XPOT: variants seen among roughly 807,000 people sequenced by gnomAD.
The protein encoded by XPOT is exportin for tRNA, also known as exportin-T.
A neutral mutation model predicts 128.2 loss-of-function variants in XPOT; 34 were observed. That is an observed-to-expected ratio of 0.27 (90% CI 0.20 to 0.35). The LOEUF is 0.35. XPOT is among the 10% of genes least tolerant of loss of function. The pLI is 1.00. For missense variants in XPOT, 838 were observed against 1,125.3 expected (o/e 0.74, Z 3.65); for synonymous variants, 348 against 394.3 (o/e 0.88, Z 1.39).
intron 4 of XPOT, 131 bp downstream of exon 4, chr12:64,416,885 T>C (rs2040092342): frequency 1.2e-6 from 1 of 842,320 alleles, no homozygotes; most frequent in African/African-American, 1.7e-5. Context: ...ATCCAGGTTA[T>C]AGATACGTTT....
At position 64,425,568 on chromosome 12, in the gene XPOT, G is replaced by A. The variant is rs78353662; in HGVS notation, c.1572+111G>A. ...TTCTCAGAATCAAAACCTCTCAGAA[G>A]TGCTTGGCACACACTGAAAGTAACC... is the stretch of plus-strand genomic sequence containing the variant. On this transcript the variant is annotated intron_variant, in intron 14 of 24. Coordinates refer to ENST00000332707, the MANE Select transcript of XPOT (RefSeq NM_007235.6). 2.9e-3 allele frequency: 3,975 copies of A among 1,387,122 alleles called. 96 individuals are homozygous for A. In the African/African-American group the frequency reaches 0.051, roughly 18 times the overall value. 85.9% of individuals were successfully genotyped at this position (1,387,122 alleles called of 1,614,324 possible).
chr12:64,447,013 C>T (rs1240526102), intron 24 of XPOT, among the ~76,000 whole-genome samples: 2 of 152,086 alleles, frequency 1.3e-5, no homozygotes, highest in African/African-American at 2.4e-5. Flanking sequence ...ACAATCATGT[C>T]GGAAGGCAAG....
chr12:64,445,444 G>T (rs1250077453), intron 24 of XPOT, among the ~76,000 whole-genome samples: 2 of 152,186 alleles, frequency 1.3e-5, no homozygotes, highest in African/African-American at 4.8e-5. Context: ...AAAACAGAAG[G>T]ATGAGATATT....
Position 64,434,383 on chromosome 12 carries a change from C to A in XPOT, c.2453-124C>A, listed in dbSNP as rs947073972. 3.4e-5 allele frequency: 22 copies of A among 642,746 alleles called. No homozygotes were observed. The Admixed American group carries it at 5.6e-4, about 16-fold the overall frequency. The allele number at this position is 642,746 out of a possible 1,614,324, so 39.8% of individuals were successfully genotyped here. ...GCAATTCTGTAAATGCTTTTTTCCC[C>A]CTTCATTTTTCCCATTCCACCTGTA... On this transcript the variant is annotated intron_variant, in intron 19 of 24. Coordinates refer to ENST00000332707, the MANE Select transcript of XPOT (RefSeq NM_007235.6).
chr12:64,423,269 G>A (rs762613665), intron 11 of XPOT, 25 bp downstream of exon 11: 25 of 1,443,086 alleles, frequency 1.7e-5, no homozygotes, highest in Middle Eastern at 2.4e-4. Flanking sequence ...TTGTTGAGGA[G>A]AAAGGAGTTT....
At chr12:64,425,277 AC>A in intron 13 of XPOT, 60 bp from the exon 14 acceptor site, 2 of 1,610,038 alleles carry the variant, frequency 1.2e-6, no homozygotes, top group Non-Finnish European at 1.7e-6. Context: ...ATATGTTAAT[AC>A]CGGGGCATTT....
At chr12:64,418,698 A>AGTATT (rs1431003966) in intron 5 of XPOT, among the ~76,000 whole-genome samples, 178 bp from the exon 6 acceptor site, 1 of 152,202 alleles carries the variant, frequency 6.6e-6, no homozygotes, top group East Asian at 1.9e-4. Flanking sequence ...AATCACTTAA[A>AGTATT]TACTTTTGAT....
chr12:64,409,652 G>C (rs140361787), intron 1 of XPOT: 2 of 166,828 alleles, frequency 1.2e-5, no homozygotes, highest in Non-Finnish European at 1.3e-5. Flanking sequence ...GGAGAATGGC[G>C]TGAACCTGGG....
chr12:64,417,284 C>G (rs959268958), intron 4 of XPOT, among the ~76,000 whole-genome samples: 6 of 152,182 alleles, frequency 3.9e-5, no homozygotes, highest in Non-Finnish European at 8.8e-5. Flanking sequence ...TGGCTCATGC[C>G]TATGATCTCA....
At chr12:64,413,727 TA>T (rs1565794917) in intron 2 of XPOT, among the ~76,000 whole-genome samples, 1 of 152,108 alleles carries the variant, frequency 6.6e-6, no homozygotes, top group African/African-American at 2.4e-5. Flanking sequence ...AAGAAAAAAA[TA>T]ACTTTACATC....
At chr12:64,414,425 T>C (rs1406446116) in intron 2 of XPOT, among the ~76,000 whole-genome samples, 1 of 152,224 alleles carries the variant, frequency 6.6e-6, no homozygotes, top group Non-Finnish European at 1.5e-5. Flanking sequence ...TACTCTCCTG[T>C]GTAACAGTAG....
intron 3 of XPOT, among the ~76,000 whole-genome samples, chr12:64,416,316 ACT>A (rs1466714037): frequency 6.6e-6 from 1 of 151,968 alleles, no homozygotes; most frequent in African/African-American, 2.4e-5. Flanking sequence ...TTTCACTCAG[ACT>A]CTGTCTGTTC....
intron 2 of XPOT, among the ~76,000 whole-genome samples, chr12:64,411,223 T>C (rs964062785): frequency 6.6e-6 from 1 of 152,234 alleles, no homozygotes; most frequent in Non-Finnish European, 1.5e-5. Flanking sequence ...AAATCTTTCT[T>C]GTCATAGGGT....
intron 9 of XPOT, 139 bp from the exon 10 acceptor site, chr12:64,422,861 CCACTG>C (rs147352180): frequency 0.5 from 353,364 of 710,112 alleles, 94,379 homozygotes; most frequent in Non-Finnish European, 0.56. Flanking sequence ...CATGACTGCG[CCACTG>C]CACTCCAGCC....
At position 64,431,713 on chromosome 12, in the gene XPOT, G is replaced by A; in HGVS notation, c.2152G>A (p.Glu718Lys). The change falls in exon 18 of 25, where the codon GAA becomes AAA. Residue 718 changes from glutamate to lysine, a missense_variant. Around this residue, in one of 3 missense-constraint regions of XPOT, gnomAD observed 761 missense variants for 988.3 expected, o/e 0.77. Transcript: ENST00000332707. Reference protein sequence around the residue: ...LHRMIICLEEEVLPFIPSASE... With the variant: ...LHRMIICLEEKVLPFIPSASE... ...TCGAATGATTATTTGCCTGGAGGAAGAAGTTCTTCCGTTCATTCCATCTGC... is the reference window on the plus strand; with the variant it reads ...TCGAATGATTATTTGCCTGGAGGAAAAAGTTCTTCCGTTCATTCCATCTGC... 1 of 1,614,062 alleles carries A rather than the reference G, an allele frequency of 6.2e-7. No homozygotes were observed.
chr12:64,428,070 A>G lies in XPOT; in HGVS notation c.1687A>G (p.Ile563Val), dbSNP rs745776409. The G allele has an allele frequency of 9.5e-6, 15 of 1,571,844 alleles. No homozygotes were observed. Among genetic ancestry groups the G allele is most frequent in the Non-Finnish European group, 1.1e-5 (13 of 1,143,730 alleles). Reference sequence around the variant, plus strand: ...TTTCAGTAAGCAAATGAATCCTTTCATTGAGGATATTTTGAATAGAATACA... The same window carrying G: ...TTTCAGTAAGCAAATGAATCCTTTCGTTGAGGATATTTTGAATAGAATACA... ...KSLNKQMNPF[I>V]EDILNRIQDL... The change falls in exon 16 of 25, where the codon ATT becomes GTT. Residue 563 changes from isoleucine (I) to valine (V), a missense_variant. Physicochemically the swap from Ile to Val is conservative, Grantham distance 29 (BLOSUM62 3). This residue lies in a region of XPOT where 761 missense variants were observed against 988.3 expected (regional missense o/e 0.77). Transcript: ENST00000332707.
chr12:64,444,602 A>ATAT (rs1555200811), intron 23 of XPOT, among the ~76,000 whole-genome samples: 1 of 152,158 alleles, frequency 6.6e-6, no homozygotes, highest in Non-Finnish European at 1.5e-5. Flanking sequence ...TCTAAAGTAG[A>ATAT]CTCACCAAAG....
chr12:64,405,663 G>T (rs994684666), intron 1 of XPOT, among the ~76,000 whole-genome samples: 1 of 152,202 alleles, frequency 6.6e-6, no homozygotes, highest in Non-Finnish European at 1.5e-5. Context: ...CGGTCGCCCA[G>T]GCTGCAGTGC....
At chr12:64,414,764 GC>G in intron 2 of XPOT, 142 bp from the exon 3 acceptor site, 2 of 557,820 alleles carry the variant, frequency 3.6e-6, no homozygotes, top group Non-Finnish European at 6.5e-6. Flanking sequence ...ATATTCGGAA[GC>G]CTGCATTTAA....
Sources: allele counts gnomAD v4.1 joint callset (sites outside exome capture counted in the v4.1 genomes callset), GRCh38; gene constraint gnomAD v4.1.1; regional missense constraint gnomAD v4.1.1; transcripts MANE v1.5; gene names NCBI Gene and HGNC (gene_info 2026-07-23, HGNC 2026-07-21).